FHIP1A: variants seen among roughly 807,000 people sequenced by gnomAD.
FHIP1A encodes the protein FHF complex subunit HOOK interacting protein 1A.
A neutral mutation model predicts 88.6 loss-of-function variants in FHIP1A; 61 were observed. That is an observed-to-expected ratio of 0.69 (90% CI 0.56 to 0.85). The LOEUF (loss-of-function observed/expected upper bound fraction) is 0.85, where lower values mean the gene tolerates loss of function less well. Ranked by LOEUF, FHIP1A falls within the 40% of genes least tolerant of loss-of-function variation. The probability of loss-of-function intolerance (pLI) is 0.00; values close to 1 mark genes in which losing one functional copy is unlikely to be tolerated. For synonymous variants in FHIP1A, 478 were observed against 496.0 expected, an observed-to-expected ratio of 0.96 and a Z score of 0.48; for missense variants, 1,154 against 1,273.5, an observed-to-expected ratio of 0.91 and a Z score of 1.43.
chr4:151,427,378 C>T (rs1312198534), intron 1 of FHIP1A, among the ~76,000 whole-genome samples: 1 of 152,028 alleles, frequency 6.6e-6, no homozygotes, highest in African/African-American at 2.4e-5. Flanking sequence ...TAAAATTAGA[C>T]TGTCTTTTTT....
intron 3 of FHIP1A, among the ~76,000 whole-genome samples, chr4:151,529,987 T>G (rs907967750): frequency 3.3e-5 from 5 of 152,188 alleles, no homozygotes; most frequent in African/African-American, 9.6e-5. Flanking sequence ...CAGAACTGTT[T>G]TCCCTAGTGT....
At chr4:151,637,237 C>T (rs966732883) in intron 8 of FHIP1A, among the ~76,000 whole-genome samples, 21 of 152,034 alleles carry the variant, frequency 1.4e-4, no homozygotes, top group Non-Finnish European at 1.0e-4. Context: ...AGGAGTAAAT[C>T]CTTGTAGCCT....
rs193141070 is a variant in FHIP1A at position 151,493,648 on chromosome 4, G to C, written c.-123+11000G>C. ...CCATGATCAAGTGGATTTCATACCA[G>C]GGATGCAGGATTGGTTTAACATACA... is the stretch of plus-strand genomic sequence containing the variant. On this transcript the variant is annotated intron_variant, in intron 3 of 13. Coordinates refer to ENST00000435205, the MANE Select transcript of FHIP1A (RefSeq NM_001109977.3). Among the ~76,000 whole-genome samples the C allele has an allele frequency of 3.2e-4, 48 of 152,256 alleles. 1 individual carries two copies. The East Asian group carries it at 9.3e-3, about 29-fold the overall frequency.
chr4:151,483,297 ATCT>A (rs1230066415), intron 3 of FHIP1A, among the ~76,000 whole-genome samples: 1 of 151,466 alleles, frequency 6.6e-6, no homozygotes, highest in South Asian at 2.1e-4. Flanking sequence ...TCTATAAATG[ATCT>A]TCTTGTGGGG....
chr4:151,574,702 A>G (rs551718268), intron 4 of FHIP1A, among the ~76,000 whole-genome samples: 5 of 152,176 alleles, frequency 3.3e-5, no homozygotes, highest in African/African-American at 1.2e-4. Flanking sequence ...GTAAACTTAC[A>G]GGAAGGAATA....
chr4:151,637,505 G>C (rs1005002892), intron 8 of FHIP1A, among the ~76,000 whole-genome samples: 2 of 152,098 alleles, frequency 1.3e-5, no homozygotes, highest in African/African-American at 4.8e-5. Context: ...AACAGTGAGC[G>C]GTAGGGGTTA....
intron 13 of FHIP1A, among the ~76,000 whole-genome samples, chr4:151,661,493 G>C (rs1380605742): frequency 1.3e-5 from 2 of 149,482 alleles, no homozygotes; most frequent in Admixed American, 1.3e-4. Flanking sequence ...TAGTACTGTA[G>C]TTAAGCAACA....
At chr4:151,571,384 G>A (rs1479945880) in intron 4 of FHIP1A, among the ~76,000 whole-genome samples, 4 of 152,198 alleles carry the variant, frequency 2.6e-5, no homozygotes, top group Admixed American at 1.3e-4. Context: ...AAGTAATAGT[G>A]ATGGATGAGG....
chr4:151,544,518 G>T (rs1044678624), intron 3 of FHIP1A, among the ~76,000 whole-genome samples: 5 of 152,126 alleles, frequency 3.3e-5, no homozygotes, highest in African/African-American at 1.2e-4. Context: ...AGCTTCCCAG[G>T]TGCCACTGTT....
In FHIP1A at chr4:151,669,479, A is replaced by C. The variant is rs1737784317; in HGVS notation, c.*6725A>C. ...ATGCTTTCTGTAAGGTTTAGTCACCAAGAAGCCAGAACTTTTGGTGAAAAC... is the reference window on the plus strand; with the variant it reads ...ATGCTTTCTGTAAGGTTTAGTCACCCAGAAGCCAGAACTTTTGGTGAAAAC... On this transcript the variant is annotated 3_prime_UTR_variant, in exon 14 of 14. Transcript: ENST00000435205. 6.6e-6 allele frequency among the ~76,000 whole-genome samples: 1 copy of C among 152,228 alleles called. No homozygotes were observed. Among genetic ancestry groups the C allele is most frequent in the Non-Finnish European group, 1.5e-5 (1 of 68,046 alleles).
At chr4:151,514,762 T>C (rs1731166079) in intron 3 of FHIP1A, among the ~76,000 whole-genome samples, 1 of 152,002 alleles carries the variant, frequency 6.6e-6, no homozygotes, top group Non-Finnish European at 1.5e-5. Flanking sequence ...AGGAAGAAGT[T>C]GAATCTCTGA....
chr4:151,426,106 G>T (rs776758758), intron 1 of FHIP1A, among the ~76,000 whole-genome samples: 2 of 152,166 alleles, frequency 1.3e-5, no homozygotes, highest in Non-Finnish European at 2.9e-5. Context: ...AAAAACAAGC[G>T]GGGCGGAGAG....
At chr4:151,437,078 C>A (rs1050033709) in intron 1 of FHIP1A, among the ~76,000 whole-genome samples, 3 of 151,974 alleles carry the variant, frequency 2.0e-5, no homozygotes, top group Non-Finnish European at 4.4e-5. Flanking sequence ...TAGTTGAATC[C>A]GTGGATGTGG....
intron 3 of FHIP1A, among the ~76,000 whole-genome samples, chr4:151,552,837 A>G (rs190296029): frequency 6.6e-5 from 10 of 151,902 alleles, no homozygotes; most frequent in Admixed American, 2.0e-4. Context: ...AAAAAAAAAA[A>G]AGAAAAAACA....
At chr4:151,446,581 C>CTTTTTTTTT (rs35115788) in intron 1 of FHIP1A, among the ~76,000 whole-genome samples, 2 of 109,966 alleles carry the variant, frequency 1.8e-5, no homozygotes, top group South Asian at 3.0e-4. Context: ...TGTTCTTTTT[C>CTTTTTTTTT]TTTTTTTTTT....
At chr4:151,511,621 C>A (rs1731035008) in intron 3 of FHIP1A, among the ~76,000 whole-genome samples, 2 of 152,242 alleles carry the variant, frequency 1.3e-5, no homozygotes, top group Non-Finnish European at 2.9e-5. Context: ...AAACGGCGCA[C>A]CAGGAGATTA....
chr4:151,616,444 CTTTTTTTT>C (rs763599410), intron 7 of FHIP1A, among the ~76,000 whole-genome samples: 4 of 113,396 alleles, frequency 3.5e-5, no homozygotes, highest in African/African-American at 1.3e-4. Flanking sequence ...TTCTTTCTTT[CTTTTTTTT>C]TTTTTTTTTT....
chr4:151,460,648 A>T (rs2724574), intron 2 of FHIP1A, among the ~76,000 whole-genome samples: 79,085 of 152,080 alleles, frequency 0.52, 20,864 homozygotes, highest in African/African-American at 0.55. Flanking sequence ...TAGTTGTCAT[A>T]TTGTCTCATT....
chr4:151,476,854 C>T (rs1729726144), intron 2 of FHIP1A, among the ~76,000 whole-genome samples: 1 of 149,538 alleles, frequency 6.7e-6, no homozygotes, highest in South Asian at 2.1e-4. Flanking sequence ...CTAACAATAA[C>T]CAGTTAGAAG....
Sources: allele counts gnomAD v4.1 joint callset (sites outside exome capture counted in the v4.1 genomes callset), GRCh38; gene constraint gnomAD v4.1.1; transcripts MANE v1.5; gene names NCBI Gene and HGNC (gene_info 2026-07-23, HGNC 2026-07-21).